Variants in CNTN5 observed in about 807,000 individuals in gnomAD.
CNTN5 encodes contactin-5.
Under a neutral mutation model 129.1 loss-of-function variants are expected in CNTN5, and 77 were observed. That is an observed-to-expected ratio of 0.60 (90% CI 0.50 to 0.72). The LOEUF (loss-of-function observed/expected upper bound fraction) is 0.72, where lower values mean the gene tolerates loss of function less well. Among genes scored for constraint, CNTN5 ranks in the 30% least tolerant of loss-of-function variants. The pLI, the probability that CNTN5 is intolerant of heterozygous loss-of-function variation, is 0.00. For synonymous variants in CNTN5, 509 were observed against 465.6 expected (o/e 1.09, Z -1.20); for missense variants, 1,478 against 1,328.8 (o/e 1.11, Z -1.75).
At chr11:99,601,766 C>T (rs1950318619) in intron 3 of CNTN5, among the ~76,000 whole-genome samples, 1 of 152,152 alleles carries the variant, frequency 6.6e-6, no homozygotes, top group Non-Finnish European at 1.5e-5. Flanking sequence ...TCTTTAAATT[C>T]TGTGCTGCCT....
At chr11:100,195,673 T>C (rs911205846) in intron 15 of CNTN5, among the ~76,000 whole-genome samples, 24 of 151,920 alleles carry the variant, frequency 1.6e-4, no homozygotes, top group African/African-American at 5.6e-4. Flanking sequence ...CAAAATATAC[T>C]TTTAGTATGC....
chr11:99,508,044 A>C (rs919492614), intron 2 of CNTN5, among the ~76,000 whole-genome samples: 2 of 152,214 alleles, frequency 1.3e-5, no homozygotes, highest in African/African-American at 4.8e-5. Flanking sequence ...GTCAAATGAC[A>C]TTTTCATATT....
intron 2 of CNTN5, among the ~76,000 whole-genome samples, chr11:99,379,196 T>G (rs897778281): frequency 1.4e-5 from 2 of 143,704 alleles, no homozygotes; most frequent in African/African-American, 5.1e-5. Context: ...TTTTTTTTAC[T>G]GTTGTATCAC....
At chr11:99,529,925 A>G (rs143501064) in intron 2 of CNTN5, among the ~76,000 whole-genome samples, 1 of 152,330 alleles carries the variant, frequency 6.6e-6, no homozygotes, top group Non-Finnish European at 1.5e-5. Context: ...AATATTAAAT[A>G]TTTGCATAAT....
At chr11:99,983,697 A>G (rs1031116576) in intron 8 of CNTN5, among the ~76,000 whole-genome samples, 1 of 152,202 alleles carries the variant, frequency 6.6e-6, no homozygotes, top group African/African-American at 2.4e-5. Context: ...GAGTAATGAA[A>G]GCCAAATAGA....
At chr11:99,666,231 G>T (rs1400510550) in intron 3 of CNTN5, among the ~76,000 whole-genome samples, 1 of 152,160 alleles carries the variant, frequency 6.6e-6, no homozygotes, top group Non-Finnish European at 1.5e-5. Flanking sequence ...GCCTCCCGAA[G>T]TGCTTGGATT....
intron 8 of CNTN5, among the ~76,000 whole-genome samples, chr11:99,962,276 T>A (rs1950969071): frequency 6.6e-6 from 1 of 151,814 alleles, no homozygotes; most frequent in Admixed American, 6.6e-5. Flanking sequence ...TCGTTTAACA[T>A]TAGGTATATC....
chr11:99,142,906 C>T (rs780996799), intron 1 of CNTN5, among the ~76,000 whole-genome samples: 11 of 152,158 alleles, frequency 7.2e-5, no homozygotes, highest in African/African-American at 2.4e-4. Flanking sequence ...TCACCTCTTA[C>T]TTAGGAGCAC....
chr11:100,080,202 A>G (rs1944306875), intron 13 of CNTN5, among the ~76,000 whole-genome samples: 1 of 152,168 alleles, frequency 6.6e-6, no homozygotes, highest in African/African-American at 2.4e-5. Flanking sequence ...GTAAGGTAAC[A>G]GTTATGAAGA....
chr11:99,702,998 A>T (rs1158265206), intron 3 of CNTN5, among the ~76,000 whole-genome samples: 4 of 150,906 alleles, frequency 2.7e-5, no homozygotes, highest in Admixed American at 6.6e-5. Flanking sequence ...GAGGGAATGT[A>T]TAAACGTCGC....
At chr11:99,259,029 A>T in intron 1 of CNTN5, among the ~76,000 whole-genome samples, 1 of 151,672 alleles carries the variant, frequency 6.6e-6, no homozygotes, top group East Asian at 1.9e-4. Context: ...GTATAGTATT[A>T]TTTTCGAGTT....
At chr11:99,077,521 T>C (rs770432276) in intron 1 of CNTN5, among the ~76,000 whole-genome samples, 4 of 152,194 alleles carry the variant, frequency 2.6e-5, no homozygotes, top group African/African-American at 9.6e-5. Flanking sequence ...CTTACGGAGA[T>C]AGAAAATGAC....
At chr11:99,347,079 G>A (rs1488398447) in intron 2 of CNTN5, among the ~76,000 whole-genome samples, 7 of 152,174 alleles carry the variant, frequency 4.6e-5, no homozygotes, top group Non-Finnish European at 8.8e-5. Context: ...GATCTGAGAG[G>A]CAGAGAGTTT....
intron 15 of CNTN5, among the ~76,000 whole-genome samples, chr11:100,207,762 G>A (rs1948946432): frequency 6.6e-6 from 1 of 152,112 alleles, no homozygotes; most frequent in South Asian, 2.1e-4. Context: ...TGCTCACTGA[G>A]CTCGTCACAT....
At chr11:100,313,004 T>A (rs553955082) in intron 21 of CNTN5, among the ~76,000 whole-genome samples, 1 of 152,096 alleles carries the variant, frequency 6.6e-6, no homozygotes, top group South Asian at 2.1e-4. Flanking sequence ...CTGGTTCCTG[T>A]GAGAACAGAA....
At chr11:99,181,575 T>G (rs893562065) in intron 1 of CNTN5, among the ~76,000 whole-genome samples, 1 of 152,162 alleles carries the variant, frequency 6.6e-6, no homozygotes, top group Non-Finnish European at 1.5e-5. Context: ...ACCCAGTTGA[T>G]GAACTCATTC....
chr11:100,001,923 C>G (rs1939899006), intron 8 of CNTN5, 111 bp from the exon 9 acceptor site: 1 of 746,176 alleles, frequency 1.3e-6, no homozygotes, highest in South Asian at 1.8e-5. Flanking sequence ...TAACAGTCAT[C>G]AAACAGACAT....
chr11:99,788,274 C>G (rs748527960), intron 3 of CNTN5, among the ~76,000 whole-genome samples: 1 of 151,864 alleles, frequency 6.6e-6, no homozygotes, highest in Non-Finnish European at 1.5e-5. Context: ...TTAATTGCCT[C>G]TTATTATCAT....
chr11:99,359,099 T>C (rs929136425), intron 2 of CNTN5, among the ~76,000 whole-genome samples: 11 of 152,240 alleles, frequency 7.2e-5, no homozygotes, highest in African/African-American at 2.7e-4. Context: ...AAAAGTTATA[T>C]TGTATTCTCT....
Sources: allele counts gnomAD v4.1 joint callset (sites outside exome capture counted in the v4.1 genomes callset), GRCh38; gene constraint gnomAD v4.1.1; transcripts MANE v1.5; gene names NCBI Gene and HGNC (gene_info 2026-07-23, HGNC 2026-07-21).